MVB12B: variants seen among roughly 807,000 people sequenced by gnomAD.
MVB12B encodes ESCRT-I complex subunit MVB12B.
A neutral mutation model predicts 41.6 loss-of-function variants in MVB12B; 16 were observed. The ratio of observed to expected loss-of-function variants is 0.38; its 90% CI spans 0.26 to 0.58. The LOEUF is 0.58. Among genes scored for constraint, MVB12B ranks in the 20% least tolerant of loss-of-function variants. The probability of loss-of-function intolerance (pLI) is 0.62; values close to 1 mark genes in which losing one functional copy is unlikely to be tolerated. For missense variants in MVB12B, 274 were observed against 380.2 expected (o/e 0.72, Z 2.32); for synonymous variants, 133 against 139.7 (o/e 0.95, Z 0.34).
In MVB12B at chr9:126,468,863, T is replaced by C. The variant is rs1487978172; in HGVS notation, c.758-12506T>C. 2.0e-5 allele frequency among the ~76,000 whole-genome samples: 3 copies of C among 152,246 alleles called. No individual in the cohort carries two copies. Among genetic ancestry groups the C allele is most frequent in the Non-Finnish European group, 4.4e-5 (3 of 68,048 alleles). On this transcript the variant is annotated intron_variant, in intron 7 of 9. Transcript: ENST00000361171. This position sits in a 1 kb window ranked among gnomAD's most constrained non-coding sequence, Gnocchi z 4.3. ...GACTCCTGGCAGGCTGGTTCTTGGT[T>C]GTCTCTGGACCCTACTTCTATGCAA...
chr9:126,454,656 C>T (rs978788378), intron 7 of MVB12B, among the ~76,000 whole-genome samples: 5 of 152,212 alleles, frequency 3.3e-5, no homozygotes, highest in African/African-American at 1.2e-4. Context: ...CATAAAGACC[C>T]AACTAAATAA....
intron 7 of MVB12B, among the ~76,000 whole-genome samples, chr9:126,477,465 TAAAG>T (rs1411957149): frequency 6.6e-6 from 1 of 152,180 alleles, no homozygotes; most frequent in Non-Finnish European, 1.5e-5. Context: ...TCATAATTTA[TAAAG>T]AAAGAGAGGT....
At chr9:126,408,185 TA>T (rs1831501896) in intron 6 of MVB12B, 1 of 152,254 alleles carries the variant, frequency 6.6e-6, no homozygotes, top group Admixed American at 6.5e-5. Context: ...GTTATTAGCC[TA>T]ATGATTTTGC....
intron 9 of MVB12B, among the ~76,000 whole-genome samples, chr9:126,497,132 C>T (rs1468877516): frequency 6.6e-6 from 1 of 152,180 alleles, no homozygotes; most frequent in Admixed American, 6.5e-5. Flanking sequence ...CCCAGACACA[C>T]AGGCTTCTGC....
chr9:126,505,654 CTG>C lies in MVB12B; in HGVS notation c.*2415_*2416del, dbSNP rs59351216. ...GAGGTGGGTGAGGACAAGCATGTGC[CTG>C]TGTGTGTGTGTGTGTGTGTGTGTAT... On this transcript the variant is annotated 3_prime_UTR_variant, in exon 10 of 10. Transcript: ENST00000361171. 2.3e-3 allele frequency: 325 copies of C among 140,550 alleles called. 1 individual carries two copies. The highest frequency in any genetic ancestry group is 0.014 in the South Asian group (65 of 4,516). The allele number at this position is 140,550 out of a possible 1,614,324, so 8.7% of individuals were successfully genotyped here.
chr9:126,440,929 T>C (rs1210616152), intron 7 of MVB12B, among the ~76,000 whole-genome samples: 2 of 152,240 alleles, frequency 1.3e-5, no homozygotes, highest in African/African-American at 2.4e-5. Context: ...AGAGTAATGG[T>C]GTGCTGATTA....
chr9:126,365,402 A>T (rs1243189932), intron 2 of MVB12B, among the ~76,000 whole-genome samples: 1 of 135,058 alleles, frequency 7.4e-6, no homozygotes, highest in Non-Finnish European at 1.6e-5. Flanking sequence ...GTGCAATCTT[A>T]GCTCACTGCA....
chr9:126,471,821 A>G (rs977283300), intron 7 of MVB12B, among the ~76,000 whole-genome samples: 9 of 152,188 alleles, frequency 5.9e-5, no homozygotes, highest in Non-Finnish European at 1.2e-4. Flanking sequence ...CTCCAATTGC[A>G]TTTAATTTTA....
chr9:126,357,495 C>T (rs1235203524), intron 2 of MVB12B, among the ~76,000 whole-genome samples: 6 of 152,226 alleles, frequency 3.9e-5, no homozygotes, highest in African/African-American at 1.4e-4. Context: ...AGTTCTTCCA[C>T]ATCCTTGCCA....
chr9:126,355,215 C>A (rs1829849577), intron 2 of MVB12B, among the ~76,000 whole-genome samples: 1 of 152,186 alleles, frequency 6.6e-6, no homozygotes, highest in Non-Finnish European at 1.5e-5. Flanking sequence ...AAGAAATAAA[C>A]TTTATTACCA....
At chr9:126,380,773 C>G (rs1830613842) in intron 2 of MVB12B, among the ~76,000 whole-genome samples, 1 of 152,238 alleles carries the variant, frequency 6.6e-6, no homozygotes, top group East Asian at 1.9e-4. Context: ...CTGACTTACC[C>G]AATCCCTTCT....
chr9:126,401,732 C>T (rs1185642593), intron 6 of MVB12B, among the ~76,000 whole-genome samples: 1 of 152,264 alleles, frequency 6.6e-6, no homozygotes, highest in African/African-American at 2.4e-5. Flanking sequence ...AGCCCATGAG[C>T]GTGCCACGCT....
intron 9 of MVB12B, among the ~76,000 whole-genome samples, chr9:126,493,648 G>A (rs553678975): frequency 7.2e-5 from 11 of 152,300 alleles, no homozygotes; most frequent in South Asian, 2.1e-4. Flanking sequence ...TAGATCAAGC[G>A]TCTCTCCATC....
chr9:126,497,532 G>A (rs555139340), intron 9 of MVB12B, among the ~76,000 whole-genome samples: 5 of 152,176 alleles, frequency 3.3e-5, no homozygotes, highest in East Asian at 1.9e-4. Flanking sequence ...CAGACTACTC[G>A]GCTCCCCACT....
At chr9:126,366,814 A>C (rs911860850) in intron 2 of MVB12B, among the ~76,000 whole-genome samples, 5 of 151,122 alleles carry the variant, frequency 3.3e-5, no homozygotes, top group African/African-American at 1.2e-4. Context: ...CGAGCTTCTG[A>C]CTCCACGCAG....
intron 7 of MVB12B, among the ~76,000 whole-genome samples, chr9:126,458,746 T>G (rs1833034708): frequency 6.6e-6 from 1 of 152,120 alleles, no homozygotes; most frequent in South Asian, 2.1e-4. Flanking sequence ...TTGAAAAAAT[T>G]CAGGGCAGAT....
intron 2 of MVB12B, among the ~76,000 whole-genome samples, chr9:126,362,421 TATAAAG>T (rs1344958880): frequency 3.9e-5 from 6 of 152,090 alleles, no homozygotes; most frequent in Non-Finnish European, 8.8e-5. Flanking sequence ...AATAAAATAA[TATAAAG>T]ATAAGGAAAA....
chr9:126,502,645 C>A (rs1245525772), intron 9 of MVB12B, among the ~76,000 whole-genome samples: 3 of 152,094 alleles, frequency 2.0e-5, no homozygotes, highest in Non-Finnish European at 4.4e-5. Context: ...GTGGATGGTG[C>A]CAGGGACAGC....
chr9:126,469,470 T>G (rs557256831), intron 7 of MVB12B, among the ~76,000 whole-genome samples: 2 of 152,318 alleles, frequency 1.3e-5, no homozygotes, highest in East Asian at 1.9e-4. Context: ...GCAGAGAAAG[T>G]GCGTCTTCCA....
Sources: allele counts gnomAD v4.1 joint callset (sites outside exome capture counted in the v4.1 genomes callset), GRCh38; gene constraint gnomAD v4.1.1; non-coding constraint Gnocchi (gnomAD v3.1); transcripts MANE v1.5; gene names NCBI Gene and HGNC (gene_info 2026-07-23, HGNC 2026-07-21).